Variants in CLVS1 observed in about 807,000 individuals in gnomAD.
The protein encoded by CLVS1 is clavesin-1.
Under a neutral mutation model 33.1 loss-of-function variants are expected in CLVS1, and 10 were observed. The observed-to-expected ratio is 0.30, with a 90% CI of 0.19 to 0.51. The LOEUF is 0.51. Ranked by LOEUF, CLVS1 falls within the 20% of genes least tolerant of loss-of-function variation. The probability of loss-of-function intolerance (pLI) is 0.97; values close to 1 mark genes in which losing one functional copy is unlikely to be tolerated. For synonymous variants in CLVS1, 163 were observed against 166.1 expected (o/e 0.98, Z 0.14); for missense variants, 343 against 433.4 (o/e 0.79, Z 1.85).
intron 1 of CLVS1, among the ~76,000 whole-genome samples, chr8:61,063,973 A>G (rs933810752): frequency 6.6e-6 from 1 of 152,236 alleles, no homozygotes; most frequent in South Asian, 2.1e-4. Flanking sequence ...GAGGAATTAT[A>G]CAATATTTGT....
chr8:61,048,597 T>C, the CLVS1 span, among the ~76,000 whole-genome samples: 1 of 152,158 alleles, frequency 6.6e-6, no homozygotes, highest in Non-Finnish European at 1.5e-5. Flanking sequence ...AAATTCAAGC[T>C]GTCTCTCCAG....
intron 1 of CLVS1, among the ~76,000 whole-genome samples, chr8:61,099,164 G>T (rs1466036254): frequency 6.6e-6 from 1 of 152,142 alleles, no homozygotes; most frequent in Non-Finnish European, 1.5e-5. Context: ...TTTTCTCCTT[G>T]GTTTCACTTG....
At chr8:61,259,636 T>C (rs568695884) in intron 2 of CLVS1, among the ~76,000 whole-genome samples, 5 of 152,326 alleles carry the variant, frequency 3.3e-5, no homozygotes, top group African/African-American at 1.2e-4. Context: ...CTCATATGCA[T>C]CATAAGGAGA....
intron 1 of CLVS1, among the ~76,000 whole-genome samples, chr8:61,080,368 A>T (rs748655807): frequency 6.6e-6 from 1 of 152,234 alleles, no homozygotes. Flanking sequence ...CTTAAAAGAT[A>T]AAAGTTAAAG....
intron 5 of CLVS1, among the ~76,000 whole-genome samples, chr8:61,462,724 C>G (rs1253307993): frequency 6.6e-6 from 1 of 152,092 alleles, no homozygotes; most frequent in Non-Finnish European, 1.5e-5. Flanking sequence ...CTCTGTAAAC[C>G]GTGCTATAAA....
At chr8:61,358,884 G>A (rs1812856249) in intron 2 of CLVS1, among the ~76,000 whole-genome samples, 1 of 152,140 alleles carries the variant, frequency 6.6e-6, no homozygotes, top group Non-Finnish European at 1.5e-5. Context: ...ATATTTAAAT[G>A]TATATTTTTT....
intron 1 of CLVS1, among the ~76,000 whole-genome samples, chr8:61,125,113 G>A (rs1022822853): frequency 2.0e-5 from 3 of 152,024 alleles, no homozygotes; most frequent in African/African-American, 4.8e-5. Flanking sequence ...AGGAAATTGA[G>A]GCCTTCCGAG....
intron 2 of CLVS1, among the ~76,000 whole-genome samples, chr8:61,224,359 C>G (rs534488098): frequency 6.6e-6 from 1 of 151,988 alleles, no homozygotes; most frequent in East Asian, 1.9e-4. Flanking sequence ...TTTGTGAGGG[C>G]CTTTTGTTGT....
chr8:61,355,693 T>C (rs868135426), intron 2 of CLVS1, among the ~76,000 whole-genome samples: 4 of 152,308 alleles, frequency 2.6e-5, no homozygotes, highest in Middle Eastern at 6.8e-3. Context: ...GATAGTTTAC[T>C]GAGAATGATG....
the CLVS1 span, among the ~76,000 whole-genome samples, chr8:61,035,412 CTT>C: frequency 6.6e-6 from 1 of 152,214 alleles, no homozygotes; most frequent in South Asian, 2.1e-4. Context: ...CAAAGAGTAA[CTT>C]TAGGATTTTG....
chr8:61,425,049 A>T (rs892516603), intron 3 of CLVS1, among the ~76,000 whole-genome samples: 3 of 152,182 alleles, frequency 2.0e-5, no homozygotes, highest in African/African-American at 7.2e-5. Context: ...AAATTTGAAA[A>T]GATTTGAAAT....
At chr8:61,305,024 C>A (rs1008560550) in intron 2 of CLVS1, among the ~76,000 whole-genome samples, 2 of 152,074 alleles carry the variant, frequency 1.3e-5, no homozygotes, top group Non-Finnish European at 2.9e-5. Flanking sequence ...CCTAACCTGC[C>A]ATGGGGTCTT....
At chr8:61,457,167 C>A (rs1474517063) in intron 4 of CLVS1, among the ~76,000 whole-genome samples, 1 of 151,990 alleles carries the variant, frequency 6.6e-6, no homozygotes, top group African/African-American at 2.4e-5. Flanking sequence ...GAACTCCTGA[C>A]CTCAGGTGAT....
chr8:61,418,231 T>C (rs1238605385), intron 3 of CLVS1, among the ~76,000 whole-genome samples: 1 of 152,194 alleles, frequency 6.6e-6, no homozygotes, highest in Non-Finnish European at 1.5e-5. Context: ...GAGTCAGGCA[T>C]GTTGGTGTGC....
chr8:61,253,800 G>A (rs1006399113), intron 2 of CLVS1, among the ~76,000 whole-genome samples: 4 of 152,110 alleles, frequency 2.6e-5, no homozygotes, highest in Non-Finnish European at 5.9e-5. Flanking sequence ...CTCTGCATTG[G>A]TTATTCTAGT....
intron 2 of CLVS1, among the ~76,000 whole-genome samples, chr8:61,243,668 AG>A (rs1164844036): frequency 5.3e-5 from 8 of 152,164 alleles, no homozygotes. Flanking sequence ...TAATGTCTGT[AG>A]GATCTGTAGT....
chr8:61,155,994 C>T (rs971752775), intron 2 of CLVS1, among the ~76,000 whole-genome samples: 9 of 152,092 alleles, frequency 5.9e-5, no homozygotes, highest in African/African-American at 2.2e-4. Context: ...AGGTGGATCA[C>T]CTGAGGTTCA....
chr8:61,469,717 C>T (rs989952284), intron 5 of CLVS1, among the ~76,000 whole-genome samples: 1 of 152,204 alleles, frequency 6.6e-6, no homozygotes, highest in African/African-American at 2.4e-5. Flanking sequence ...AGTGTGGGAA[C>T]AGGAGGACCG....
chr8:61,077,499 G>A (rs1004866332), intron 1 of CLVS1, among the ~76,000 whole-genome samples: 1 of 146,224 alleles, frequency 6.8e-6, no homozygotes, highest in African/African-American at 2.5e-5. Context: ...TTATTGAGAC[G>A]GAGTCTCACT....
Sources: allele counts gnomAD v4.1 joint callset (sites outside exome capture counted in the v4.1 genomes callset), GRCh38; gene constraint gnomAD v4.1.1; transcripts MANE v1.5; gene names NCBI Gene and HGNC (gene_info 2026-07-23, HGNC 2026-07-21).